Variants in CHST8 observed in about 807,000 individuals in gnomAD.
CHST8 encodes GALNAC-4-ST1.
Under a neutral mutation model 15.0 loss-of-function variants are expected in CHST8, and 10 were observed. That is an observed-to-expected ratio of 0.67 (90% CI 0.41 to 1.13). CHST8 has a LOEUF of 1.13. CHST8 is among the 50% of genes most tolerant of loss of function. The pLI, the probability that CHST8 is intolerant of heterozygous loss-of-function variation, is 0.00. For missense variants in CHST8, 634 were observed against 608.2 expected (o/e 1.04, Z -0.45); for synonymous variants, 259 against 256.6 (o/e 1.01, Z -0.09).
chr19:33,742,058 A>T (rs1418931949), intron 3 of CHST8, among the ~76,000 whole-genome samples: 1 of 151,854 alleles, frequency 6.6e-6, no homozygotes, highest in Non-Finnish European at 1.5e-5. Flanking sequence ...CCCAGATGTA[A>T]ATGTCAAAAA....
chr19:33,650,484 TTTTTTCTTTTCTTTTTCTTTTTC>T (rs1972423700), intron 1 of CHST8, among the ~76,000 whole-genome samples: 1 of 149,786 alleles, frequency 6.7e-6, no homozygotes. Flanking sequence ...CAAGTTTCTT[TTTTTTCTTTTCTTTTTCTTTTTC>T]TTTTTCTTTT....
At chr19:33,660,030 G>A (rs1972566681) in intron 1 of CHST8, among the ~76,000 whole-genome samples, 1 of 152,154 alleles carries the variant, frequency 6.6e-6, no homozygotes, top group African/African-American at 2.4e-5. Flanking sequence ...AGGCTTCCTG[G>A]CCCCTGAGGG....
intron 3 of CHST8, among the ~76,000 whole-genome samples, chr19:33,702,699 G>A (rs534938827): frequency 6.7e-4 from 102 of 152,372 alleles, no homozygotes; most frequent in African/African-American, 2.0e-3. Context: ...CCCCCGAGGG[G>A]GATGAATCTG....
At chr19:33,743,170 T>G (rs1009165574) in intron 3 of CHST8, among the ~76,000 whole-genome samples, 1 of 152,168 alleles carries the variant, frequency 6.6e-6, no homozygotes, top group African/African-American at 2.4e-5. Flanking sequence ...CTATATTGCT[T>G]TAGAAAGGGG....
intron 1 of CHST8, among the ~76,000 whole-genome samples, chr19:33,665,464 A>T (rs1295761024): frequency 1.3e-5 from 2 of 152,172 alleles, no homozygotes; most frequent in Non-Finnish European, 2.9e-5. Flanking sequence ...CTTTATTTCC[A>T]GGAACAGGTG....
In CHST8 at chr19:33,772,115, G is replaced by C; in HGVS notation, c.327G>C (p.Gln109His). Residue 109 changes from glutamine to histidine, a missense_variant, in exon 5 of 5, where the codon CAG (glutamine) becomes CAC (histidine). Coordinates refer to ENST00000650847, the MANE Select transcript of CHST8 (RefSeq NM_001127895.2). ...LQRGTRLRLR[Q>H]RRRRLLIKKM... Reference sequence around the variant, plus strand: ...GGGGAACCCGTCTGCGGCTCCGCCAGCGCCGTCGCCGTCTGCTCATCAAGA... The same window carrying C: ...GGGGAACCCGTCTGCGGCTCCGCCACCGCCGTCGCCGTCTGCTCATCAAGA... The C allele has an allele frequency of 6.2e-7, 1 of 1,611,190 alleles. No homozygotes were observed. The highest frequency in any genetic ancestry group is 8.5e-7 in the Non-Finnish European group (1 of 1,179,196).
intron 3 of CHST8, among the ~76,000 whole-genome samples, chr19:33,751,986 A>G (rs1430071966): frequency 6.6e-6 from 1 of 152,110 alleles, no homozygotes; most frequent in Non-Finnish European, 1.5e-5. Flanking sequence ...TGGGCAGCGG[A>G]GGGGCCCTGC....
At chr19:33,771,378 C>A (rs189355962) in intron 3 of CHST8, 35 bp from the exon 4 acceptor site, 1 of 1,611,760 alleles carries the variant, frequency 6.2e-7, no homozygotes, top group South Asian at 1.1e-5. Context: ...GTGGCAGATC[C>A]GCTAATACTG....
chr19:33,735,629 C>G (rs1002159213), intron 3 of CHST8, among the ~76,000 whole-genome samples: 1 of 152,170 alleles, frequency 6.6e-6, no homozygotes, highest in Non-Finnish European at 1.5e-5. Context: ...AAGTTCAAGA[C>G]CAGCCTGACC....
chr19:33,690,409 C>T (rs756193259), intron 3 of CHST8, among the ~76,000 whole-genome samples: 2 of 152,140 alleles, frequency 1.3e-5, no homozygotes, highest in African/African-American at 4.8e-5. Flanking sequence ...ACTCTGCAAC[C>T]GCTCCGCCCC....
At chr19:33,722,304 C>G (rs1007703829) in intron 3 of CHST8, among the ~76,000 whole-genome samples, 1 of 140,180 alleles carries the variant, frequency 7.1e-6, no homozygotes, top group Admixed American at 7.1e-5. Context: ...GAAAGATGGA[C>G]AGATGGGTGG....
At chr19:33,628,247 C>T (rs1972081709) in intron 1 of CHST8, among the ~76,000 whole-genome samples, 1 of 152,142 alleles carries the variant, frequency 6.6e-6, no homozygotes, top group South Asian at 2.1e-4. Flanking sequence ...ATGAGGAGCA[C>T]CATCTGGGAG....
At chr19:33,750,704 G>A (rs1340796635) in intron 3 of CHST8, among the ~76,000 whole-genome samples, 1 of 152,188 alleles carries the variant, frequency 6.6e-6, no homozygotes, top group African/African-American at 2.4e-5. Context: ...TTTTCCAGAA[G>A]TGTGATCAGC....
intron 3 of CHST8, among the ~76,000 whole-genome samples, chr19:33,698,047 G>A (rs1293052643): frequency 6.6e-6 from 1 of 152,154 alleles, no homozygotes; most frequent in Non-Finnish European, 1.5e-5. Flanking sequence ...GGAGGCTGAG[G>A]CGGTGGATCA....
At chr19:33,734,650 G>A (rs909192832) in intron 3 of CHST8, among the ~76,000 whole-genome samples, 4 of 152,150 alleles carry the variant, frequency 2.6e-5, no homozygotes, top group African/African-American at 7.2e-5. Flanking sequence ...GAGAGGAGAG[G>A]AAGGAGGGAG....
intron 3 of CHST8, among the ~76,000 whole-genome samples, chr19:33,729,399 G>A (rs1973955975): frequency 6.6e-6 from 1 of 152,244 alleles, no homozygotes; most frequent in South Asian, 2.1e-4. Context: ...GCGTGAGCAA[G>A]CCAGAGAGGG....
rs60317430 is a variant in CHST8 at position 33,657,270 on chromosome 19, CTT to C, written c.-163-10482_-163-10481del. Reference sequence around the variant, plus strand: ...ATATATACACACATACACACACACACTTTTTTTTTTTTTTTTGAGATGGACTC... The same window carrying C: ...ATATATACACACATACACACACACACTTTTTTTTTTTTTTGAGATGGACTC... On this transcript the variant is annotated intron_variant, in intron 1 of 4. Transcript: ENST00000650847. Among the ~76,000 whole-genome samples, 30 of 140,392 alleles carry C rather than the reference CTT, an allele frequency of 2.1e-4. No homozygotes were observed. In the East Asian group the frequency reaches 2.1e-3, roughly 10 times the overall value. The allele number at this position is 140,392 out of a possible 152,430, so 92.1% of individuals were successfully genotyped here.
rs958144386 is a variant in CHST8, at chr19:33,649,439, C to T, written c.-163-18328C>T. 4.6e-5 allele frequency among the ~76,000 whole-genome samples: 7 copies of T among 152,150 alleles called. No homozygotes were observed. The East Asian group carries it at 5.8e-4, about 13-fold the overall frequency. ...GGGTTCACAACCTACAGGCCGGAAG[C>T]GCAGCCTCCACCTGAAAACCGAAAG... On this transcript the variant is annotated intron_variant, in intron 1 of 4. Transcript: ENST00000650847.
intron 3 of CHST8, among the ~76,000 whole-genome samples, chr19:33,757,389 A>AGAAG (rs1974570003): frequency 4.0e-4 from 2 of 4,960 alleles, no homozygotes; most frequent in African/African-American, 1.0e-3. Flanking sequence ...CAAAAAAAGA[A>AGAAG]GAAAGAAAGA....
Sources: gnomAD v4.1 joint callset for allele counts (sites outside exome capture counted in the v4.1 genomes callset) on GRCh38, gnomAD v4.1.1 for gene constraint, MANE v1.5 for transcripts, NCBI Gene and HGNC (gene_info 2026-07-23, HGNC 2026-07-21) for gene names.